The following AP1B1 variants were observed in gnomAD, a reference collection of about 807,000 sequenced individuals.
AP1B1 encodes the protein AP-1 complex subunit beta-1.
AP1B1 carries 36 observed loss-of-function variants against 104.3 expected under a neutral mutation model. That is an observed-to-expected ratio of 0.35 (90% CI 0.26 to 0.46). AP1B1 has a LOEUF of 0.46. AP1B1 is among the 20% of genes least tolerant of loss of function. The pLI, the probability that AP1B1 is intolerant of heterozygous loss-of-function variation, is 1.00. For missense variants in AP1B1, 901 were observed against 1,247.9 expected (o/e 0.72, Z 4.19); for synonymous variants, 504 against 517.5 (o/e 0.97, Z 0.35).
At chr22:29,377,590 C>T (rs1047655929) in intron 1 of AP1B1, among the ~76,000 whole-genome samples, 3 of 152,054 alleles carry the variant, frequency 2.0e-5, no homozygotes, top group Non-Finnish European at 4.4e-5. Flanking sequence ...GCTGGCAGAT[C>T]ATGAGGTCAG....
intron 6 of AP1B1, among the ~76,000 whole-genome samples, chr22:29,355,119 C>T (rs937363884): frequency 6.6e-6 from 1 of 151,958 alleles, no homozygotes; most frequent in African/African-American, 2.4e-5. Context: ...CACCTGTAGT[C>T]CCAGGTACTC....
rs535159123 is a variant in AP1B1 at position 29,331,887 on chromosome 22, T to C, written c.2339A>G (p.Gln780Arg). Residue 780 changes from glutamine to arginine, a missense_variant, in exon 18 of 23, where the codon CAG becomes CGG. Coordinates refer to ENST00000357586, the MANE Select transcript of AP1B1 (RefSeq NM_001127.4). ...GTTGGGGCTGAGTGGCGCGTGGACC[T>C]GGAGGGGGGCGGCGGGGGCCAGGCC... ...SFGLAPAAPLQVHAPLSPNQT... is the reference protein window; with the variant it reads ...SFGLAPAAPLRVHAPLSPNQT... The C allele has an allele frequency of 1.9e-6, 3 of 1,610,978 alleles. No individual in the cohort carries two copies. In the African/African-American group the frequency reaches 4.0e-5, roughly 22 times the overall value.
chr22:29,353,649 G>T (rs2061911448), intron 7 of AP1B1, among the ~76,000 whole-genome samples: 1 of 152,088 alleles, frequency 6.6e-6, no homozygotes, highest in Admixed American at 6.6e-5. Context: ...ATATCTCTGG[G>T]TCCCCCGGGA....
intron 16 of AP1B1, 137 bp downstream of exon 16, chr22:29,338,853 G>T: frequency 1.6e-6 from 2 of 1,263,592 alleles, no homozygotes; most frequent in Non-Finnish European, 2.2e-6. Context: ...CTCTTCCTCG[G>T]TGCCCCTGTG....
rs571195003 is a variant in AP1B1 at position 29,340,641 on chromosome 22, G to T, written c.1998+15C>A. ...GATCATTATCAACATCATCCAGAGGGGGCCCACAACATACCAGGCTGTCAA... is the reference window on the plus strand; with the variant it reads ...GATCATTATCAACATCATCCAGAGGTGGCCCACAACATACCAGGCTGTCAA... On this transcript the variant is annotated intron_variant, in intron 14 of 22. Coordinates refer to ENST00000357586, the MANE Select transcript of AP1B1 (RefSeq NM_001127.4). The T allele has an allele frequency of 1.3e-6, 2 of 1,524,886 alleles. No homozygotes were observed. The highest frequency in any genetic ancestry group is 2.5e-5 in the South Asian group (2 of 80,626). The allele number at this position is 1,524,886 out of a possible 1,614,324, so 94.5% of individuals were successfully genotyped here.
chr22:29,334,478 C>G, intron 16 of AP1B1, 68 bp from the exon 17 acceptor site: 1 of 1,506,836 alleles, frequency 6.6e-7, no homozygotes, highest in Non-Finnish European at 8.8e-7. Context: ...CAACAGCCCA[C>G]CTGAGGGTGC....
chr22:29,376,649 G>A (rs2062347078), intron 1 of AP1B1, among the ~76,000 whole-genome samples: 1 of 131,868 alleles, frequency 7.6e-6, no homozygotes, highest in Non-Finnish European at 1.6e-5. Context: ...AGGAAGTTAG[G>A]GAAGAGTGGA....
intron 12 of AP1B1, 38 bp from the exon 13 acceptor site, chr22:29,341,798 A>G (rs762075335): frequency 1.1e-5 from 17 of 1,575,998 alleles, no homozygotes; most frequent in African/African-American, 1.3e-5. Flanking sequence ...AACTCAGAGT[A>G]GCCAGGTGAG....
chr22:29,368,686 T>C (rs1230201177), intron 1 of AP1B1, among the ~76,000 whole-genome samples: 2 of 151,624 alleles, frequency 1.3e-5, no homozygotes, highest in African/African-American at 4.9e-5. Flanking sequence ...TCCTATGCTC[T>C]ATTGAAGGAA....
rs2062570377 is a variant in AP1B1, at chr22:29,388,453, G to A, written c.-57C>T. ...AGGTCCCAATAGCTCCCGGCGCCCCGGCTCGGTTCGGCTTGGCACCAAAAT... is the reference window on the plus strand; with the variant it reads ...AGGTCCCAATAGCTCCCGGCGCCCCAGCTCGGTTCGGCTTGGCACCAAAAT... On this transcript the variant is annotated 5_prime_UTR_variant, in exon 1 of 23. Transcript: ENST00000357586. The A allele has an allele frequency of 2.0e-5, 3 of 152,328 alleles. No individual in the cohort carries two copies. The highest frequency in any genetic ancestry group is 7.2e-5 in the African/African-American group (3 of 41,442). 9.4% of individuals were successfully genotyped at this position (152,328 alleles called of 1,614,324 possible). A position where few individuals can be genotyped will look rare whatever the true frequency, so the allele number is the denominator to read the frequency against.
Position 29,367,460 on chromosome 22 carries a change from AC to A in AP1B1, c.-27-191del, listed in dbSNP as rs879102363. Reference sequence around the variant, plus strand: ...AAAAGTAATTCTGAGGAATCTATCAACCTTTTTTTTTTTTTTTTCTTCAGAG... The same window carrying A: ...AAAAGTAATTCTGAGGAATCTATCAACTTTTTTTTTTTTTTTTCTTCAGAG... On this transcript the variant is annotated intron_variant, in intron 1 of 22. Transcript: ENST00000357586. Among the ~76,000 whole-genome samples the A allele has an allele frequency of 7.1e-3, 1,036 of 146,474 alleles. 20 individuals are homozygous for A. Among genetic ancestry groups the A allele is most frequent in the African/African-American group, 0.024 (941 of 39,168 alleles).
At chr22:29,360,049 T>G (rs1184874264) in intron 3 of AP1B1, 90 bp from the exon 4 acceptor site, 1 of 1,430,278 alleles carries the variant, frequency 7.0e-7, no homozygotes, top group Non-Finnish European at 9.5e-7. Flanking sequence ...GAGAGGACAG[T>G]GGGTAGGAGA....
chr22:29,375,688 C>T (rs758900799), intron 1 of AP1B1, among the ~76,000 whole-genome samples: 2 of 152,222 alleles, frequency 1.3e-5, no homozygotes, highest in Non-Finnish European at 2.9e-5. Context: ...TCTGGCCCTA[C>T]TACCAACAGC....
chr22:29,331,414 T>C, intron 19 of AP1B1, 35 bp downstream of exon 19: 1 of 1,607,486 alleles, frequency 6.2e-7, no homozygotes, highest in Non-Finnish European at 8.5e-7. Flanking sequence ...CACAGCCCCA[T>C]TTCAGGCACC....
At chr22:29,354,038 G>A (rs983528085) in intron 7 of AP1B1, among the ~76,000 whole-genome samples, 2 of 152,094 alleles carry the variant, frequency 1.3e-5, no homozygotes, top group African/African-American at 2.4e-5. Context: ...ACCATACCAC[G>A]TGCCCTGGGA....
At chr22:29,362,870 T>C in intron 3 of AP1B1, 131 bp downstream of exon 3, 2 of 659,582 alleles carry the variant, frequency 3.0e-6, no homozygotes, top group Admixed American at 5.0e-5. Flanking sequence ...GAAGAAAGTT[T>C]TATGAAGGGA....
chr22:29,329,193 AC>A lies in AP1B1; in HGVS notation c.2776-299del, dbSNP rs34625772. 3.6e-4 allele frequency: 442 copies of A among 1,238,340 alleles called. No homozygotes were observed. In the African/African-American group the frequency reaches 5.8e-3, roughly 16 times the overall value. 76.7% of individuals were successfully genotyped at this position (1,238,340 alleles called of 1,614,324 possible). ...GGCTGCCAGGGAGTGCCCGGCCCCC[AC>A]CCTGAGGGCTGCCCGGCCCCCCAGA... is the stretch of plus-strand genomic sequence containing the variant. On this transcript the variant is annotated intron_variant, in intron 22 of 22. Transcript: ENST00000357586.
At chr22:29,337,150 G>A (rs554557869) in intron 16 of AP1B1, among the ~76,000 whole-genome samples, 97 of 152,266 alleles carry the variant, frequency 6.4e-4, no homozygotes, top group African/African-American at 2.2e-3. Context: ...ACGCTCTGTG[G>A]GGACCATCAT....
intron 8 of AP1B1, 130 bp from the exon 9 acceptor site, chr22:29,351,396 C>T (rs2061872435): frequency 8.9e-7 from 1 of 1,120,750 alleles, no homozygotes; most frequent in Non-Finnish European, 1.3e-6. Flanking sequence ...GGTAGAAGGC[C>T]CAAGGGAGAG....
Sources: gnomAD v4.1 joint callset for allele counts (sites outside exome capture counted in the v4.1 genomes callset) on GRCh38, gnomAD v4.1.1 for gene constraint, MANE v1.5 for transcripts, NCBI Gene and HGNC (gene_info 2026-07-23, HGNC 2026-07-21) for gene names.